Variants in EIF4G3 observed in about 807,000 individuals in gnomAD.
EIF4G3 encodes the protein eukaryotic translation initiation factor 4 gamma 3.
EIF4G3 carries 34 observed loss-of-function variants against 186.4 expected under a neutral mutation model. The ratio of observed to expected loss-of-function variants is 0.18; its 90% CI spans 0.14 to 0.24. The LOEUF (loss-of-function observed/expected upper bound fraction) is 0.24. EIF4G3 is among the 10% of genes least tolerant of loss of function. EIF4G3 has a pLI of 1.00. For missense variants in EIF4G3, 1,536 were observed against 1,948.5 expected (o/e 0.79, Z 3.99); for synonymous variants, 673 against 679.5 (o/e 0.99, Z 0.15).
At chr1:21,043,690 G>A (rs1009517689) in intron 4 of EIF4G3, among the ~76,000 whole-genome samples, 1 of 152,004 alleles carries the variant, frequency 6.6e-6, no homozygotes, top group Non-Finnish European at 1.5e-5. Context: ...TCAGGAGTTC[G>A]AGACCAGCCT....
chr1:21,021,361 G>A (rs1300361755), intron 4 of EIF4G3, among the ~76,000 whole-genome samples: 1 of 152,062 alleles, frequency 6.6e-6, no homozygotes, highest in African/African-American at 2.4e-5. Flanking sequence ...TACAAATGCT[G>A]CACCTCTGAG....
chr1:20,852,138 C>G (rs1233953262), intron 27 of EIF4G3, among the ~76,000 whole-genome samples: 6 of 152,116 alleles, frequency 3.9e-5, no homozygotes, highest in Non-Finnish European at 8.8e-5. Flanking sequence ...CCTCCGCCTA[C>G]GGGTTCAAGT....
rs11805339 is a variant in EIF4G3 at position 20,810,583 on chromosome 1, C to T, written c.4744+155G>A. Among the ~76,000 whole-genome samples the T allele has an allele frequency of 6.9e-3, 1,050 of 152,266 alleles. 14 individuals are homozygous for T. The highest frequency in any genetic ancestry group is 0.023 in the African/African-American group (964 of 41,562). On this transcript the variant is annotated intron_variant, in intron 36 of 36. Transcript: ENST00000602326. This position sits in a 1 kb window ranked among gnomAD's most constrained non-coding sequence, Gnocchi z 4.1. ...GATTATAGGCGCAAGCCACTGCACC[C>T]GGCCAAATTCAAATTTATTAAAGTT... is the stretch of plus-strand genomic sequence containing the variant.
At chr1:21,053,858 C>A (rs1015725122) in intron 3 of EIF4G3, among the ~76,000 whole-genome samples, 8 of 145,838 alleles carry the variant, frequency 5.5e-5, no homozygotes, top group Non-Finnish European at 1.1e-4. Context: ...GGGGGTCAGC[C>A]CCCCGCCCGG....
chr1:20,999,384 C>T (rs1570677308), intron 6 of EIF4G3: 1 of 370,096 alleles, frequency 2.7e-6, no homozygotes. Flanking sequence ...GCAATACCAC[C>T]CATGTGGTAT....
chr1:20,893,287 G>GAA (rs367854797), intron 18 of EIF4G3: 7 of 344,124 alleles, frequency 2.0e-5, no homozygotes, highest in African/African-American at 8.7e-5. Context: ...AAAAAATAGG[G>GAA]AAAAAAAAAA....
intron 25 of EIF4G3, among the ~76,000 whole-genome samples, chr1:20,856,993 T>C (rs1227884914): frequency 1.3e-5 from 2 of 151,556 alleles, no homozygotes; most frequent in Non-Finnish European, 2.9e-5. Context: ...AAACCCCGTC[T>C]CTACTAAAAA....
At chr1:20,812,302 A>G (rs1293777572) in intron 35 of EIF4G3, among the ~76,000 whole-genome samples, 1 of 152,170 alleles carries the variant, frequency 6.6e-6, no homozygotes, top group Non-Finnish European at 1.5e-5. Flanking sequence ...CCCAACTCGA[A>G]TTTTAAAACA....
intron 3 of EIF4G3, among the ~76,000 whole-genome samples, chr1:21,085,750 G>C (rs1170732492): frequency 6.6e-6 from 1 of 152,046 alleles, no homozygotes; most frequent in African/African-American, 2.4e-5. Flanking sequence ...CCAGGCTGGA[G>C]TGGCGCGATC....
chr1:21,135,181 CAG>C (rs1171654870), intron 2 of EIF4G3, among the ~76,000 whole-genome samples: 1 of 152,182 alleles, frequency 6.6e-6, no homozygotes, highest in African/African-American at 2.4e-5. Context: ...ACACCACCCG[CAG>C]AGTCACAACA....
At chr1:20,869,555 C>A (rs1197373344) in intron 20 of EIF4G3, among the ~76,000 whole-genome samples, 1 of 151,604 alleles carries the variant, frequency 6.6e-6, no homozygotes, top group Non-Finnish European at 1.5e-5. Context: ...GCGGGTGGAT[C>A]ACGAGGTCAG....
At position 20,857,400 on chromosome 1, in the gene EIF4G3, C is replaced by A; in HGVS notation, c.3339+3G>T. 1 of 1,612,466 alleles carries A rather than the reference C, an allele frequency of 6.2e-7. No homozygotes were observed. The highest frequency in any genetic ancestry group is 1.1e-5 in the South Asian group (1 of 91,050). On this transcript the variant is annotated splice_donor_region_variant and intron_variant, in intron 25 of 36. Coordinates refer to ENST00000602326, the MANE Select transcript of EIF4G3 (RefSeq NM_001391906.1). The stretch of plus-strand genomic sequence containing the variant: ...TAAATTGTACTTTAAATGTCAGACT[C>A]ACCTTAGTGATTTTTAGGAATTTTG...
intron 4 of EIF4G3, among the ~76,000 whole-genome samples, chr1:21,023,024 A>T (rs544657277): frequency 2.0e-5 from 3 of 152,148 alleles, no homozygotes; most frequent in Non-Finnish European, 2.9e-5. Flanking sequence ...TTTTACTCAC[A>T]TTAGAATGAA....
At chr1:20,950,451 T>A (rs1326952773) in intron 12 of EIF4G3, among the ~76,000 whole-genome samples, 1 of 152,116 alleles carries the variant, frequency 6.6e-6, no homozygotes, top group Non-Finnish European at 1.5e-5. Context: ...ACGACACATC[T>A]GAGAAGGAAT....
intron 2 of EIF4G3, among the ~76,000 whole-genome samples, chr1:21,172,897 T>G (rs537951312): frequency 6.6e-6 from 1 of 150,734 alleles, no homozygotes; most frequent in Non-Finnish European, 1.5e-5. Context: ...TCCCAGCACT[T>G]TGGGAGGTAG....
intron 4 of EIF4G3, among the ~76,000 whole-genome samples, chr1:21,048,139 A>C (rs1044506931): frequency 1.3e-5 from 2 of 152,214 alleles, no homozygotes; most frequent in Non-Finnish European, 2.9e-5. Flanking sequence ...AACAAGTGAG[A>C]TGCTAGGAGA....
At chr1:20,835,570 A>G (rs567445085) in intron 30 of EIF4G3, among the ~76,000 whole-genome samples, 1 of 152,202 alleles carries the variant, frequency 6.6e-6, no homozygotes, top group African/African-American at 2.4e-5. Context: ...ACAAAGGATC[A>G]TAAGAAACTA....
chr1:20,829,002 C>G, intron 31 of EIF4G3, 145 bp downstream of exon 31: 2 of 844,688 alleles, frequency 2.4e-6, no homozygotes, highest in Non-Finnish European at 3.7e-6. Flanking sequence ...CATTTTTACA[C>G]TGAAATCAGA....
chr1:20,846,786 G>C (rs2071219355), intron 29 of EIF4G3, among the ~76,000 whole-genome samples: 1 of 152,102 alleles, frequency 6.6e-6, no homozygotes, highest in Admixed American at 6.5e-5. Flanking sequence ...TTGAACCCTG[G>C]CTCTGCCACT....
Sources: allele counts gnomAD v4.1 joint callset (sites outside exome capture counted in the v4.1 genomes callset), GRCh38; gene constraint gnomAD v4.1.1; non-coding constraint Gnocchi (gnomAD v3.1); transcripts MANE v1.5; gene names NCBI Gene and HGNC (gene_info 2026-07-23, HGNC 2026-07-21).